LRRK1: variants seen among roughly 807,000 people sequenced by gnomAD.
LRRK1 encodes the protein leucine-rich repeat serine/threonine-protein kinase 1.
A neutral mutation model predicts 209.1 loss-of-function variants in LRRK1; 113 were observed. The ratio of observed to expected loss-of-function variants is 0.54; its 90% CI spans 0.46 to 0.63. The LOEUF is 0.63. Ranked by LOEUF, LRRK1 falls within the 30% of genes least tolerant of loss-of-function variation. The pLI, the probability that LRRK1 is intolerant of heterozygous loss-of-function variation, is 0.00. For missense variants in LRRK1, 2,284 were observed against 2,632.2 expected, an observed-to-expected ratio of 0.87 and a Z score of 2.89; for synonymous variants, 1,144 against 1,099.7, an observed-to-expected ratio of 1.04 and a Z score of -0.80.
At chr15:101,053,175 T>G (rs770547160) in intron 25 of LRRK1, 48 bp from the exon 26 acceptor site, 1 of 1,592,292 alleles carries the variant, frequency 6.3e-7, no homozygotes, top group South Asian at 1.1e-5. Flanking sequence ...GGCCTGAGGC[T>G]GCAGGCACCC....
intron 2 of LRRK1, among the ~76,000 whole-genome samples, chr15:100,952,274 A>C (rs2141623781): frequency 6.6e-6 from 1 of 152,314 alleles, no homozygotes; most frequent in African/African-American, 2.4e-5. Flanking sequence ...ATATATTCAA[A>C]CCCACTGAAT....
At position 101,055,122 on chromosome 15, in the gene LRRK1, G is replaced by C; in HGVS notation, c.4231G>C (p.Gly1411Arg). 1 of 1,613,784 alleles carries C rather than the reference G, an allele frequency of 6.2e-7. No individual in the cohort carries two copies. The highest frequency in any genetic ancestry group is 1.1e-5 in the South Asian group (1 of 90,988). ...CATCAACATCAAGCTATCTGACTAC[G>C]GGATTTCGAGGCAGTCATTCCATGA... ...EHINIKLSDY[G>R]ISRQSFHEGA... is the part of the protein sequence containing the mutation. The change falls in exon 27 of 34, where the codon GGG (glycine) becomes CGG (arginine). Residue 1411 changes from glycine (G) to arginine (R), a missense_variant. Around this residue, in one of 6 missense-constraint regions of LRRK1, gnomAD observed 780 missense variants for 985.2 expected, o/e 0.79. Transcript: ENST00000388948.
chr15:100,982,365 T>A (rs879319556), intron 3 of LRRK1, among the ~76,000 whole-genome samples: 4 of 152,342 alleles, frequency 2.6e-5, no homozygotes, highest in Non-Finnish European at 5.9e-5. Context: ...TATCTGAGCA[T>A]CCTTTTCTCA....
rs2030576993 is a variant in LRRK1 at position 100,967,922 on chromosome 15, ATGC to A, written c.98-5881_98-5879del. 2.0e-5 allele frequency among the ~76,000 whole-genome samples: 3 copies of A among 152,218 alleles called. 1 individual carries two copies. The South Asian group carries it at 6.2e-4, about 32-fold the overall frequency. ...TTAGGTAAAATATATATAAAGTAAG[ATGC>A]ACATATCTTAAATGGACTGCTTGAT... is the stretch of plus-strand genomic sequence containing the variant. On this transcript the variant is annotated intron_variant, in intron 2 of 33. Transcript: ENST00000388948.
At chr15:100,926,652 CTTTCT>C (rs1481584570) in intron 2 of LRRK1, among the ~76,000 whole-genome samples, 1 of 138,800 alleles carries the variant, frequency 7.2e-6, no homozygotes, top group Non-Finnish European at 1.6e-5. Context: ...CATTTTCTTT[CTTTCT>C]TTTCTTTTTC....
Position 101,010,742 on chromosome 15 carries a change from C to G in LRRK1, c.1186C>G (p.Pro396Ala). Residue 396 changes from proline (P) to alanine (A), a missense_variant, in exon 9 of 34, where the codon CCT (proline) becomes GCT (alanine). Physicochemically the swap from Pro to Ala is conservative, Grantham distance 27. This residue lies in a region of LRRK1 where 494 missense variants were observed against 522.1 expected (regional missense o/e 0.95). Coordinates refer to ENST00000388948, the MANE Select transcript of LRRK1 (RefSeq NM_024652.6). ...DISDNKLTEL[P>A]ALFLHSFKSL... ...ATCTGACAATAAATTGACAGAACTC[C>G]CTGCCCTGTTCCTTCACTCTTTCAA... 1.2e-6 allele frequency: 2 copies of G among 1,613,714 alleles called. No individual in the cohort carries two copies. The highest frequency in any genetic ancestry group is 1.7e-6 in the Non-Finnish European group (2 of 1,179,810).
chr15:100,924,844 A>T, intron 2 of LRRK1, 115 bp downstream of exon 2: 2 of 680,954 alleles, frequency 2.9e-6, no homozygotes, highest in Admixed American at 4.7e-5. Context: ...TCAAATGTCC[A>T]TCATTTGGTG....
At chr15:100,998,583 G>A (rs1449109547) in intron 6 of LRRK1, among the ~76,000 whole-genome samples, 2 of 130,626 alleles carry the variant, frequency 1.5e-5, no homozygotes, top group East Asian at 2.6e-4. Context: ...TTGCCCCTCC[G>A]TATAGGACTT....
chr15:100,940,204 G>GCT (rs147527161), intron 2 of LRRK1, among the ~76,000 whole-genome samples: 10 of 150,106 alleles, frequency 6.7e-5, no homozygotes, highest in African/African-American at 1.5e-4. Flanking sequence ...CACATGTCCT[G>GCT]CTCTCTCTCT....
chr15:101,035,123 G>A (rs2034445236), intron 20 of LRRK1, among the ~76,000 whole-genome samples: 1 of 151,588 alleles, frequency 6.6e-6, no homozygotes, highest in South Asian at 2.1e-4. Context: ...TTATTATGTG[G>A]TTTCTTTCCT....
intron 3 of LRRK1, among the ~76,000 whole-genome samples, chr15:100,974,767 G>A (rs928683037): frequency 1.3e-5 from 2 of 152,216 alleles, no homozygotes. Flanking sequence ...GACTTTTAAA[G>A]TTTTGGAATA....
chr15:100,987,206 C>T (rs2168376), intron 4 of LRRK1, among the ~76,000 whole-genome samples: 47,805 of 151,696 alleles, frequency 0.32, 7,700 homozygotes, highest in East Asian at 0.5. Context: ...AATACAGGGC[C>T]ATCCTGACCC....
chr15:101,025,833 C>A, intron 16 of LRRK1, 132 bp from the exon 17 acceptor site: 4 of 893,056 alleles, frequency 4.5e-6, no homozygotes, highest in Non-Finnish European at 6.9e-6. Flanking sequence ...CAAACCGTCT[C>A]AAGGCTGCAG....
intron 2 of LRRK1, among the ~76,000 whole-genome samples, chr15:100,930,534 A>C: frequency 6.6e-6 from 1 of 151,346 alleles, no homozygotes; most frequent in African/African-American, 2.4e-5. Flanking sequence ...GGCCTCCCCC[A>C]CCCCACACTT....
rs368280748 is a variant in LRRK1, at chr15:100,975,472, GGT to G, written c.261+1512_261+1513del. 7.8e-3 allele frequency among the ~76,000 whole-genome samples: 1,188 copies of G among 152,294 alleles called. 17 individuals carry two copies. Among genetic ancestry groups the G allele is most frequent in the African/African-American group, 0.027 (1,141 of 41,558 alleles). On this transcript the variant is annotated intron_variant, in intron 3 of 33. Transcript: ENST00000388948. ...TTGAATAAAGGAAAACAGAGTCCAG[GGT>G]GTGTGTCTCTTCTCTGTGGCATCAT...
chr15:100,999,458 A>G (rs2032587031), intron 6 of LRRK1, among the ~76,000 whole-genome samples: 1 of 152,082 alleles, frequency 6.6e-6, no homozygotes, highest in South Asian at 2.1e-4. Flanking sequence ...TTCAGACCCT[A>G]CCTGGCCAGA....
intron 33 of LRRK1, among the ~76,000 whole-genome samples, chr15:101,067,077 G>A (rs75306749): frequency 0.013 from 1,921 of 152,244 alleles, 39 homozygotes; most frequent in African/African-American, 0.044. Context: ...TGTTCTTCCT[G>A]CCAAGCAGGA....
intron 23 of LRRK1, among the ~76,000 whole-genome samples, chr15:101,051,472 T>C (rs750738050): frequency 1.7e-4 from 26 of 152,192 alleles, no homozygotes; most frequent in Admixed American, 6.5e-4. Flanking sequence ...TCCCGACCAC[T>C]GGACAGTTCT....
chr15:101,036,211 G>C (rs908766432), intron 20 of LRRK1, among the ~76,000 whole-genome samples: 2 of 151,800 alleles, frequency 1.3e-5, no homozygotes, highest in African/African-American at 4.8e-5. Flanking sequence ...TCACCTTCTG[G>C]GACTCCAGTA....
Sources: allele counts gnomAD v4.1 joint callset (sites outside exome capture counted in the v4.1 genomes callset), GRCh38; gene constraint gnomAD v4.1.1; regional missense constraint gnomAD v4.1.1; transcripts MANE v1.5; gene names NCBI Gene and HGNC (gene_info 2026-07-23, HGNC 2026-07-21).